The following NEDD9 variants were observed in gnomAD, a reference collection of about 807,000 sequenced individuals.
NEDD9 encodes the protein neural precursor cell expressed, developmentally down-regulated 9, also known as enhancer of filamentation 1.
A neutral mutation model predicts 76.6 loss-of-function variants in NEDD9; 26 were observed. The ratio of observed to expected loss-of-function variants is 0.34; its 90% CI spans 0.25 to 0.47. The LOEUF is 0.47. NEDD9 is among the 20% of genes least tolerant of loss of function. The pLI, the probability that NEDD9 is intolerant of heterozygous loss-of-function variation, is 1.00. For missense variants in NEDD9, 937 were observed against 1,058.5 expected (o/e 0.89, Z 1.59); for synonymous variants, 392 against 414.2 (o/e 0.95, Z 0.65).
chr6:11,290,237 T>C (rs1442677964), intron 3 of NEDD9, among the ~76,000 whole-genome samples: 1 of 152,162 alleles, frequency 6.6e-6, no homozygotes, highest in Non-Finnish European at 1.5e-5. Context: ...AGGACAACCT[T>C]TCAAGACATA....
Position 11,355,731 on chromosome 6 carries a change from AT to A in NEDD9, c.-213-21171del, listed in dbSNP as rs562920765. Among the ~76,000 whole-genome samples, 6 of 150,168 alleles carry A rather than the reference AT, an allele frequency of 4.0e-5. No individual in the cohort carries two copies. The South Asian group carries it at 6.3e-4, about 16-fold the overall frequency. On this transcript the variant is annotated intron_variant, in intron 1 of 3. Transcript: ENST00000397378. ...GAGCTTTAGGTTTTTTTTTTTAATT[AT>A]TTTTTTGAGACAGAGTCTCGCTCTG...
chr6:11,214,134 G>C (rs892352950), intron 1 of NEDD9: 6 of 503,274 alleles, frequency 1.2e-5, no homozygotes, highest in African/African-American at 9.8e-5. Context: ...TCTCAATATT[G>C]TTCTATATTG....
chr6:11,319,814 T>C (rs1761741894), intron 2 of NEDD9, among the ~76,000 whole-genome samples: 1 of 148,386 alleles, frequency 6.7e-6, no homozygotes, highest in Non-Finnish European at 1.5e-5. Context: ...TGGTGCACAC[T>C]TGCACTAACA....
In NEDD9 at chr6:11,185,320, G is replaced by A. The variant is rs1267607348; in HGVS notation, c.2347C>T (p.Leu783Phe). Residue 783 changes from leucine to phenylalanine, a missense_variant, in exon 7 of 7, where the codon CTC (leucine) becomes TTC (phenylalanine). Physicochemically the swap from Leu to Phe is conservative, Grantham distance 22 (BLOSUM62 0). Coordinates refer to ENST00000379446, the MANE Select transcript of NEDD9 (RefSeq NM_006403.4). ...ACTATGGTCTTGAGCTGCTCGCAGA[G>A]CTGGTTGCTGGAGTTCATGACTTTG... ...RNKVMNSSNQLCEQLKTIVMA... is the reference protein window; with the variant it reads ...RNKVMNSSNQFCEQLKTIVMA... The A allele has an allele frequency of 6.2e-7, 1 of 1,614,072 alleles. No homozygotes were observed. Among genetic ancestry groups the A allele is most frequent in the Non-Finnish European group, 8.5e-7 (1 of 1,180,042 alleles).
At chr6:11,260,670 A>G (rs1760090901) in intron 3 of NEDD9, among the ~76,000 whole-genome samples, 1 of 152,236 alleles carries the variant, frequency 6.6e-6, no homozygotes, top group African/African-American at 2.4e-5. Context: ...AAGTTTAGCA[A>G]CATGTATGCT....
chr6:11,300,877 G>A (rs376841516), intron 3 of NEDD9, among the ~76,000 whole-genome samples: 1 of 152,164 alleles, frequency 6.6e-6, no homozygotes, highest in African/African-American at 2.4e-5. Context: ...CACTAAGCAT[G>A]GAAAGGAATA....
Position 11,190,810 on chromosome 6 carries a change from T to G in NEDD9, c.1059A>C (p.Pro353=). The G allele has an allele frequency of 2.5e-6, 4 of 1,614,180 alleles. No homozygotes were observed. The highest frequency in any genetic ancestry group is 3.4e-6 in the Non-Finnish European group (4 of 1,180,030). Residue 353 remains proline, a synonymous_variant, in exon 5 of 7, where the codon CCA becomes CCC. Coordinates refer to ENST00000379446, the MANE Select transcript of NEDD9 (RefSeq NM_006403.4). The surrounding 1 kb of genome is among the most constrained non-coding windows in gnomAD (Gnocchi z 5.8). ...GVYDVPLHNP[P]DAKGSRDLVD... The stretch of plus-strand genomic sequence containing the variant: ...CCAAGTCCCGAGAGCCTTTAGCATC[T>G]GGCGGGTTATGCAGAGGGACATCAT...
chr6:11,316,532 C>G (rs1292521978), intron 2 of NEDD9, among the ~76,000 whole-genome samples: 3 of 152,296 alleles, frequency 2.0e-5, no homozygotes, highest in Non-Finnish European at 4.4e-5. Context: ...TGGACTGTTG[C>G]AATTGTCTTC....
At chr6:11,233,424 G>A (rs767198378), upstream of NEDD9, 2 of 518,832 alleles carry the variant, frequency 3.9e-6, no homozygotes, top group East Asian at 1.1e-4. Context: ...GTGACCTCTC[G>A]GATGGGGTTG....
intron 3 of NEDD9, among the ~76,000 whole-genome samples, chr6:11,254,662 C>T (rs560076505): frequency 6.6e-6 from 1 of 152,258 alleles, no homozygotes; most frequent in East Asian, 1.9e-4. Context: ...TAGTTACTGC[C>T]ATGACAGCCA....
chr6:11,239,602 G>A (rs1316407546), intron 3 of NEDD9, among the ~76,000 whole-genome samples: 1 of 152,036 alleles, frequency 6.6e-6, no homozygotes, highest in Non-Finnish European at 1.5e-5. Flanking sequence ...TATATACTGT[G>A]AAATAGGGCT....
At chr6:11,254,957 A>G (rs1177642698) in intron 3 of NEDD9, among the ~76,000 whole-genome samples, 2 of 152,268 alleles carry the variant, frequency 1.3e-5, no homozygotes, top group African/African-American at 4.8e-5. Flanking sequence ...GCTGCTTTGC[A>G]GAACAATATG....
chr6:11,315,436 T>A (rs1017947322), intron 2 of NEDD9, among the ~76,000 whole-genome samples: 4 of 152,244 alleles, frequency 2.6e-5, no homozygotes, highest in Admixed American at 2.6e-4. Context: ...CTGTGAAAAC[T>A]TTTTGGTTAT....
chr6:11,380,305 T>C (rs1423094998), intron 1 of NEDD9, among the ~76,000 whole-genome samples: 2 of 152,100 alleles, frequency 1.3e-5, no homozygotes, highest in Non-Finnish European at 2.9e-5. Flanking sequence ...GTTTAAGAAA[T>C]GATCCCAGGA....
chr6:11,339,557 A>G (rs1214247333), intron 1 of NEDD9, among the ~76,000 whole-genome samples: 2 of 152,238 alleles, frequency 1.3e-5, no homozygotes, highest in Non-Finnish European at 2.9e-5. Flanking sequence ...CAACTGGTGC[A>G]TCCTGCCCCA....
chr6:11,232,022 T>C (rs934536231), intron 1 of NEDD9, among the ~76,000 whole-genome samples: 4 of 152,210 alleles, frequency 2.6e-5, no homozygotes, highest in Admixed American at 6.5e-5. Context: ...AAAGTGCATA[T>C]GGCATACTCC....
At chr6:11,335,380 G>A (rs916436235) in intron 1 of NEDD9, among the ~76,000 whole-genome samples, 4 of 152,126 alleles carry the variant, frequency 2.6e-5, no homozygotes, top group Non-Finnish European at 4.4e-5. Flanking sequence ...GAATCCTGGC[G>A]AAATCACTAC....
intron 3 of NEDD9, among the ~76,000 whole-genome samples, chr6:11,298,730 T>G (rs1423915947): frequency 2.6e-5 from 4 of 152,208 alleles, no homozygotes; most frequent in African/African-American, 9.7e-5. Flanking sequence ...TTTGTTCCAG[T>G]TTGGATTACT....
At chr6:11,202,904 A>G (rs1758494690) in intron 2 of NEDD9, among the ~76,000 whole-genome samples, 2 of 152,196 alleles carry the variant, frequency 1.3e-5, no homozygotes, top group Admixed American at 1.3e-4. Flanking sequence ...CCAGTGAGGA[A>G]AAAGTCACAA....
Sources: allele counts gnomAD v4.1 joint callset (sites outside exome capture counted in the v4.1 genomes callset), GRCh38; gene constraint gnomAD v4.1.1; non-coding constraint Gnocchi (gnomAD v3.1); transcripts MANE v1.5; gene names NCBI Gene and HGNC (gene_info 2026-07-23, HGNC 2026-07-21).